The following UMAD1 variants were observed in gnomAD, a reference collection of about 807,000 sequenced individuals.
UMAD1 encodes UBAP1-MVB12-associated (UMA) domain containing 1, also known as UBAP1-MVB12-associated (UMA)-domain containing protein 1.
UMAD1 carries 8 observed loss-of-function variants against 6.1 expected under a neutral mutation model. That is an observed-to-expected ratio of 1.30 (90% CI 0.76 to 2.35). The LOEUF (loss-of-function observed/expected upper bound fraction) is 2.35. Ranked by LOEUF, UMAD1 falls within the 30% of genes most tolerant of loss-of-function variation. The pLI is 0.00. For synonymous variants in UMAD1, 56 were observed against 31.4 expected, an observed-to-expected ratio of 1.78 and a Z score of -2.61; for missense variants, 130 against 78.4, an observed-to-expected ratio of 1.66 and a Z score of -2.49.
At chr7:7,831,854 C>A (rs1171604711) in intron 3 of UMAD1, among the ~76,000 whole-genome samples, 1 of 152,066 alleles carries the variant, frequency 6.6e-6, no homozygotes, top group African/African-American at 2.4e-5. Context: ...TTGTTTAATG[C>A]AAATTTTCTT....
intron 2 of UMAD1, among the ~76,000 whole-genome samples, chr7:7,759,345 T>C (rs1781839786): frequency 6.6e-6 from 1 of 152,220 alleles, no homozygotes; most frequent in East Asian, 1.9e-4. Flanking sequence ...AAATAATATA[T>C]TTTAAAGTAT....
intron 3 of UMAD1, among the ~76,000 whole-genome samples, chr7:7,832,981 G>A (rs1451440810): frequency 1.3e-5 from 2 of 152,152 alleles, no homozygotes; most frequent in Non-Finnish European, 2.9e-5. Context: ...GCAGAGGATT[G>A]GATCTACTAG....
chr7:7,673,575 A>T, intron 2 of UMAD1, 122 bp downstream of exon 2: 1 of 618,766 alleles, frequency 1.6e-6, no homozygotes, highest in Middle Eastern at 3.9e-4. Flanking sequence ...TATGTGTTTA[A>T]TTTTTAAAGC....
At chr7:7,825,585 A>G (rs1481312416) in intron 3 of UMAD1, among the ~76,000 whole-genome samples, 1 of 152,168 alleles carries the variant, frequency 6.6e-6, no homozygotes, top group African/African-American at 2.4e-5. Context: ...TATCATGAGA[A>G]CAGCATGGGA....
At chr7:7,837,052 T>G (rs916642209) in intron 3 of UMAD1, among the ~76,000 whole-genome samples, 2 of 151,712 alleles carry the variant, frequency 1.3e-5, no homozygotes, top group Non-Finnish European at 2.9e-5. Flanking sequence ...AGTGACTCAG[T>G]ATAACACCAA....
At chr7:7,735,671 A>G (rs905022494) in intron 2 of UMAD1, 1 of 152,240 alleles carries the variant, frequency 6.6e-6, no homozygotes, top group Non-Finnish European at 1.5e-5. Context: ...TGGCCTCCCA[A>G]AGTGGTGGGA....
intron 3 of UMAD1, among the ~76,000 whole-genome samples, chr7:7,832,704 G>A (rs901617663): frequency 5.3e-5 from 8 of 152,166 alleles, no homozygotes; most frequent in African/African-American, 1.9e-4. Context: ...TACCACGAAG[G>A]GGGATCCAGA....
chr7:7,733,485 C>A (rs1781294506), intron 2 of UMAD1, among the ~76,000 whole-genome samples: 1 of 150,798 alleles, frequency 6.6e-6, no homozygotes, highest in Non-Finnish European at 1.5e-5. Flanking sequence ...AATTGTGGTC[C>A]CTTGTTAGAA....
intron 1 of UMAD1, among the ~76,000 whole-genome samples, chr7:7,650,994 C>T (rs1036581086): frequency 3.3e-5 from 5 of 152,172 alleles, no homozygotes; most frequent in East Asian, 1.9e-4. Context: ...CTTAAAAGAG[C>T]ATTTGTGGTA....
chr7:7,741,613 A>ATAG (rs1353043904), intron 2 of UMAD1, among the ~76,000 whole-genome samples: 2 of 148,684 alleles, frequency 1.3e-5, no homozygotes, highest in East Asian at 3.9e-4. Context: ...AATAATAATA[A>ATAG]TAAAAATAAT....
At chr7:7,765,915 C>G (rs1781974870) in intron 2 of UMAD1, among the ~76,000 whole-genome samples, 1 of 151,902 alleles carries the variant, frequency 6.6e-6, no homozygotes, top group Non-Finnish European at 1.5e-5. Context: ...TTTTTGAATA[C>G]TTATTAATTT....
intron 1 of UMAD1, among the ~76,000 whole-genome samples, chr7:7,663,774 C>T (rs540271213): frequency 1.2e-4 from 18 of 152,236 alleles, no homozygotes; most frequent in African/African-American, 2.6e-4. Flanking sequence ...GGGGCAATAA[C>T]GAATGCATTT....
At chr7:7,767,347 G>T (rs1261006113) in intron 2 of UMAD1, among the ~76,000 whole-genome samples, 1 of 151,446 alleles carries the variant, frequency 6.6e-6, no homozygotes, top group Non-Finnish European at 1.5e-5. Flanking sequence ...GGATGGTCTC[G>T]ATCTCCTGAC....
intron 3 of UMAD1, among the ~76,000 whole-genome samples, chr7:7,863,214 T>G (rs1240425865): frequency 2.0e-5 from 3 of 152,214 alleles, no homozygotes; most frequent in African/African-American, 4.8e-5. Flanking sequence ...TGTAAGTCTC[T>G]GCCAGTTAGT....
chr7:7,782,188 A>T (rs1244600029), intron 2 of UMAD1, among the ~76,000 whole-genome samples: 1 of 152,042 alleles, frequency 6.6e-6, no homozygotes. Flanking sequence ...TAAGAATACA[A>T]TAGCTTGGGA....
At chr7:7,838,527 C>G (rs558700724) in intron 3 of UMAD1, among the ~76,000 whole-genome samples, 21 of 152,208 alleles carry the variant, frequency 1.4e-4, no homozygotes, top group African/African-American at 5.1e-4. Flanking sequence ...ATTAGTAAAA[C>G]CACTTTTAGC....
chr7:7,763,379 T>TG (rs1781927643), intron 2 of UMAD1, among the ~76,000 whole-genome samples: 1 of 152,184 alleles, frequency 6.6e-6, no homozygotes, highest in African/African-American at 2.4e-5. Context: ...GTGACCCTAG[T>TG]ACTCAATAAG....
intron 2 of UMAD1, among the ~76,000 whole-genome samples, chr7:7,734,295 C>G (rs972648): frequency 6.6e-6 from 1 of 151,950 alleles, no homozygotes; most frequent in Non-Finnish European, 1.5e-5. Context: ...CTAGTGTGGA[C>G]GTGAATCTTC....
rs554538058 is a variant in UMAD1 at position 7,864,501 on chromosome 7, C to T, written c.157-12780C>T. On this transcript the variant is annotated intron_variant, in intron 3 of 3. Coordinates refer to ENST00000682710, the MANE Select transcript of UMAD1 (RefSeq NM_001302348.2). ...CCCACACTCAAGCAGATGGGGACAA[C>T]GCAGACACGCCAGTTCTTCTAACAT... Among the ~76,000 whole-genome samples the T allele has an allele frequency of 9.2e-5, 14 of 151,712 alleles. No homozygotes were observed. The South Asian group carries it at 1.3e-3, about 14-fold the overall frequency.
Sources: allele counts gnomAD v4.1 joint callset (sites outside exome capture counted in the v4.1 genomes callset), GRCh38; gene constraint gnomAD v4.1.1; transcripts MANE v1.5; gene names NCBI Gene and HGNC (gene_info 2026-07-23, HGNC 2026-07-21).